The following FAM222A variants were observed in gnomAD, a reference collection of about 807,000 sequenced individuals.
The protein encoded by FAM222A is protein FAM222A.
FAM222A carries 7 observed loss-of-function variants against 25.8 expected under a neutral mutation model. The ratio of observed to expected loss-of-function variants is 0.27; its 90% CI spans 0.15 to 0.51. The LOEUF (loss-of-function observed/expected upper bound fraction) is 0.51, where lower values mean the gene tolerates loss of function less well. Among genes scored for constraint, FAM222A ranks in the 20% least tolerant of loss-of-function variants. The probability of loss-of-function intolerance (pLI) is 0.97; values close to 1 mark genes in which losing one functional copy is unlikely to be tolerated. For missense variants in FAM222A, 573 were observed against 640.5 expected, an observed-to-expected ratio of 0.89 and a Z score of 1.14; for synonymous variants, 294 against 298.8, an observed-to-expected ratio of 0.98 and a Z score of 0.17.
chr12:109,731,346 G>A lies in FAM222A; in HGVS notation c.-46-12755G>A, dbSNP rs555873196. Reference sequence around the variant, plus strand: ...CGGCTGGTCCTGTGGGACATTGGGTGCCCACTCAGAATCCGGCCCTCCCAC... The same window carrying A: ...CGGCTGGTCCTGTGGGACATTGGGTACCCACTCAGAATCCGGCCCTCCCAC... On this transcript the variant is annotated intron_variant, in intron 1 of 2. Coordinates refer to ENST00000538780, the MANE Select transcript of FAM222A (RefSeq NM_032829.3). Among the ~76,000 whole-genome samples, 8 of 152,164 alleles carry A rather than the reference G, an allele frequency of 5.3e-5. No individual in the cohort carries two copies. In the East Asian group the frequency reaches 1.4e-3, roughly 26 times the overall value.
At chr12:109,743,750 A>G (rs962736096) in intron 1 of FAM222A, among the ~76,000 whole-genome samples, 2 of 151,878 alleles carry the variant, frequency 1.3e-5, no homozygotes, top group African/African-American at 2.4e-5. Flanking sequence ...CACCGGCCGG[A>G]AGCACAGCCT....
At chr12:109,717,659 C>G (rs61941859) in intron 1 of FAM222A, among the ~76,000 whole-genome samples, 19,566 of 152,120 alleles carry the variant, frequency 0.13, 2,259 homozygotes, top group African/African-American at 0.31. Context: ...AAGGTTTAAG[C>G]AGGGCAGAGG....
chr12:109,768,522 C>T lies in FAM222A; in HGVS notation c.593C>T (p.Ser198Phe). ...CCCCTGCCACCTTCCAACCTGCCCT[C>T]CATCCACAGCCTCCTGTACCAGCTC... ...GLPLPPSNLP[S>F]IHSLLYQLNQ... is the part of the protein sequence containing the mutation. The change falls in exon 3 of 3, where the codon TCC (serine) becomes TTC (phenylalanine). Residue 198 changes from serine (S) to phenylalanine (F), a missense_variant. Physicochemically the swap from Ser to Phe is radical, Grantham distance 155 (BLOSUM62 -2). Around this residue, in one of 3 missense-constraint regions of FAM222A, gnomAD observed 412 missense variants for 407.0 expected, o/e 1.01. Coordinates refer to ENST00000538780, the MANE Select transcript of FAM222A (RefSeq NM_032829.3). 1 of 1,606,474 alleles carries T rather than the reference C, an allele frequency of 6.2e-7. No individual in the cohort carries two copies. Among genetic ancestry groups the T allele is most frequent in the South Asian group, 1.1e-5 (1 of 90,890 alleles).
intron 2 of FAM222A, among the ~76,000 whole-genome samples, chr12:109,760,659 G>C (rs1349686823): frequency 6.6e-6 from 1 of 152,178 alleles, no homozygotes; most frequent in Non-Finnish European, 1.5e-5. Context: ...ATTTGTTTGT[G>C]ACCCCCGCTT....
intron 2 of FAM222A, among the ~76,000 whole-genome samples, chr12:109,762,363 G>A (rs1395983658): frequency 6.6e-6 from 1 of 152,190 alleles, no homozygotes; most frequent in African/African-American, 2.4e-5. Context: ...GCAGTGGCCA[G>A]GTTCCAAGGA....
intron 2 of FAM222A, among the ~76,000 whole-genome samples, chr12:109,754,325 A>C (rs1292616999): frequency 1.3e-5 from 2 of 152,196 alleles, no homozygotes; most frequent in African/African-American, 2.4e-5. Flanking sequence ...ACTCAGGAGG[A>C]GTCCAAGAGA....
At chr12:109,731,724 G>A (rs1026011516) in intron 1 of FAM222A, among the ~76,000 whole-genome samples, 1 of 152,140 alleles carries the variant, frequency 6.6e-6, no homozygotes, top group African/African-American at 2.4e-5. Context: ...CTGCCCCTCT[G>A]CCCACCCATG....
chr12:109,756,979 G>T (rs1888750359), intron 2 of FAM222A, among the ~76,000 whole-genome samples: 1 of 152,122 alleles, frequency 6.6e-6, no homozygotes, highest in African/African-American at 2.4e-5. Flanking sequence ...GCTTTTCATT[G>T]TTGGTAGTGT....
intron 1 of FAM222A, among the ~76,000 whole-genome samples, chr12:109,727,220 G>A (rs913751444): frequency 2.0e-5 from 3 of 152,100 alleles, no homozygotes; most frequent in Non-Finnish European, 2.9e-5. Context: ...AGCTTGAGCC[G>A]GGCCGGGCGG....
At chr12:109,727,919 G>C (rs1469988724) in intron 1 of FAM222A, among the ~76,000 whole-genome samples, 2 of 152,164 alleles carry the variant, frequency 1.3e-5, no homozygotes, top group African/African-American at 4.8e-5. Context: ...CGGGACTCTG[G>C]GCTAGTGGCT....
At chr12:109,734,419 GA>G (rs954031900) in intron 1 of FAM222A, 1 of 151,990 alleles carries the variant, frequency 6.6e-6, no homozygotes, top group Non-Finnish European at 1.5e-5. Context: ...CGGCTCCGCA[GA>G]AAGCTCACTG....
chr12:109,731,749 G>T lies in FAM222A; in HGVS notation c.-46-12352G>T, dbSNP rs544712300. Reference sequence around the variant, plus strand: ...GCCCACCCATGTTGAGGGTCTCTGGGGCCCGTGTGTTCTGGGTGTGTGGAG... The same window carrying T: ...GCCCACCCATGTTGAGGGTCTCTGGTGCCCGTGTGTTCTGGGTGTGTGGAG... On this transcript the variant is annotated intron_variant, in intron 1 of 2. Coordinates refer to ENST00000538780, the MANE Select transcript of FAM222A (RefSeq NM_032829.3). 5.9e-5 allele frequency among the ~76,000 whole-genome samples: 9 copies of T among 152,280 alleles called. No individual in the cohort carries two copies. The East Asian group carries it at 1.7e-3, about 29-fold the overall frequency.
chr12:109,760,124 C>G (rs1482967344), intron 2 of FAM222A, among the ~76,000 whole-genome samples: 1 of 152,128 alleles, frequency 6.6e-6, no homozygotes, highest in East Asian at 1.9e-4. Context: ...CCAGTGGGCA[C>G]CAGTGCATGG....
chr12:109,718,985 T>TG (rs777010612), intron 1 of FAM222A, among the ~76,000 whole-genome samples: 1 of 152,162 alleles, frequency 6.6e-6, no homozygotes, highest in South Asian at 2.1e-4. Context: ...GTCTCTGTGA[T>TG]GGGGGGCTTG....
chr12:109,751,822 G>C (rs1027159886), intron 2 of FAM222A, among the ~76,000 whole-genome samples: 1 of 152,150 alleles, frequency 6.6e-6, no homozygotes, highest in East Asian at 1.9e-4. Flanking sequence ...AAATCTGTAG[G>C]TGTGGCCCTT....
chr12:109,716,557 C>T (rs1315906271), intron 1 of FAM222A, among the ~76,000 whole-genome samples: 2 of 152,176 alleles, frequency 1.3e-5, no homozygotes, highest in African/African-American at 4.8e-5. Context: ...AACACACAAG[C>T]TTCCAAGGAC....
At chr12:109,729,468 C>T (rs779374320) in intron 1 of FAM222A, among the ~76,000 whole-genome samples, 16 of 152,300 alleles carry the variant, frequency 1.1e-4, no homozygotes, top group East Asian at 1.9e-4. Flanking sequence ...GCGCCTTCAC[C>T]GCCAGAGGCA....
At chr12:109,737,585 TAAA>T (rs11311105) in intron 1 of FAM222A, among the ~76,000 whole-genome samples, 4 of 138,892 alleles carry the variant, frequency 2.9e-5, no homozygotes, top group Admixed American at 7.1e-5. Context: ...CCCCCAACCT[TAAA>T]AAAAAAAAAA....
intron 2 of FAM222A, among the ~76,000 whole-genome samples, chr12:109,749,123 C>T (rs140298867): frequency 1.3e-5 from 2 of 152,096 alleles, no homozygotes; most frequent in East Asian, 1.9e-4. Flanking sequence ...TTGTTTGTTT[C>T]GAGATGGAGT....
Sources: allele counts gnomAD v4.1 joint callset (sites outside exome capture counted in the v4.1 genomes callset), GRCh38; gene constraint gnomAD v4.1.1; regional missense constraint gnomAD v4.1.1; transcripts MANE v1.5; gene names NCBI Gene and HGNC (gene_info 2026-07-23, HGNC 2026-07-21).